PTPRD: variants seen among roughly 807,000 people sequenced by gnomAD.
PTPRD encodes the protein receptor-type tyrosine-protein phosphatase delta.
A neutral mutation model predicts 214.5 loss-of-function variants in PTPRD; 34 were observed. The observed-to-expected ratio is 0.16, with a 90% confidence interval of 0.12 to 0.21. The LOEUF is 0.21. PTPRD is among the 10% of genes least tolerant of loss of function. The pLI, the probability that PTPRD is intolerant of heterozygous loss-of-function variation, is 1.00. For synonymous variants in PTPRD, 1,128 were observed against 845.7 expected, an observed-to-expected ratio of 1.33 and a Z score of -5.79; for missense variants, 2,545 against 2,398.7, an observed-to-expected ratio of 1.06 and a Z score of -1.27.
At chr9:8,859,373 C>T (rs1314594682) in intron 11 of PTPRD, among the ~76,000 whole-genome samples, 1 of 152,172 alleles carries the variant, frequency 6.6e-6, no homozygotes, top group East Asian at 1.9e-4. Flanking sequence ...GGATTTTAAC[C>T]TTCTTCACTA....
At chr9:10,554,722 A>T (rs1590793740) in intron 2 of PTPRD, among the ~76,000 whole-genome samples, 1 of 151,908 alleles carries the variant, frequency 6.6e-6, no homozygotes, top group Non-Finnish European at 1.5e-5. Context: ...CTGCAGTGGC[A>T]CCATCTTGGC....
At chr9:9,972,441 A>G (rs1488758033) in intron 4 of PTPRD, among the ~76,000 whole-genome samples, 1 of 152,096 alleles carries the variant, frequency 6.6e-6, no homozygotes, top group African/African-American at 2.4e-5. Context: ...CTATTCCCAC[A>G]TTACTCTTTT....
intron 5 of PTPRD, among the ~76,000 whole-genome samples, chr9:9,876,485 GAA>G (rs943999042): frequency 6.7e-6 from 1 of 149,504 alleles, no homozygotes; most frequent in Non-Finnish European, 1.5e-5. Context: ...ATATCACCTC[GAA>G]AAAAAAACTG....
At chr9:8,980,704 T>A (rs945342459) in intron 11 of PTPRD, among the ~76,000 whole-genome samples, 2 of 152,076 alleles carry the variant, frequency 1.3e-5, no homozygotes, top group African/African-American at 4.8e-5. Context: ...AACAATGTGA[T>A]CATAAATATA....
chr9:10,071,415 G>A (rs1200691218), intron 3 of PTPRD, among the ~76,000 whole-genome samples: 2 of 151,932 alleles, frequency 1.3e-5, no homozygotes, highest in African/African-American at 4.8e-5. Context: ...GGATATTGGT[G>A]GAAGAATACA....
chr9:9,333,746 C>G (rs2136767281), intron 9 of PTPRD, among the ~76,000 whole-genome samples: 1 of 151,508 alleles, frequency 6.6e-6, no homozygotes, highest in East Asian at 1.9e-4. Context: ...ATAATACATT[C>G]ATATGAGGTC....
intron 4 of PTPRD, among the ~76,000 whole-genome samples, chr9:10,023,953 A>G (rs1425581140): frequency 6.6e-6 from 1 of 151,816 alleles, no homozygotes; most frequent in Non-Finnish European, 1.5e-5. Flanking sequence ...TCACAATGAC[A>G]GCTTTAATTG....
At chr9:10,166,636 G>A (rs865895188) in intron 3 of PTPRD, among the ~76,000 whole-genome samples, 1 of 151,934 alleles carries the variant, frequency 6.6e-6, no homozygotes, top group African/African-American at 2.4e-5. Context: ...AAACTCTGCT[G>A]TGAGTTCAAA....
At chr9:9,696,115 C>T (rs548173757) in intron 7 of PTPRD, among the ~76,000 whole-genome samples, 1 of 152,122 alleles carries the variant, frequency 6.6e-6, no homozygotes, top group East Asian at 1.9e-4. Flanking sequence ...AAGATTCATC[C>T]TTTAGTAAGT....
intron 7 of PTPRD, among the ~76,000 whole-genome samples, chr9:9,683,765 T>A (rs2097118248): frequency 1.3e-5 from 2 of 151,902 alleles, no homozygotes; most frequent in Admixed American, 1.3e-4. Context: ...AATAGCATTG[T>A]GAGATATAAT....
intron 3 of PTPRD, among the ~76,000 whole-genome samples, chr9:10,239,224 C>T (rs1158435866): frequency 6.6e-6 from 1 of 151,890 alleles, no homozygotes; most frequent in Non-Finnish European, 1.5e-5. Flanking sequence ...GGCAAAGTCA[C>T]ATTACCTCCA....
chr9:8,484,010 T>C, intron 30 of PTPRD, 109 bp downstream of exon 30: 1 of 1,377,966 alleles, frequency 7.3e-7, no homozygotes, highest in Non-Finnish European at 9.8e-7. Flanking sequence ...AGAAGAATCT[T>C]TCACTACATT....
intron 7 of PTPRD, among the ~76,000 whole-genome samples, chr9:9,701,443 G>A (rs551124239): frequency 6.6e-6 from 1 of 152,242 alleles, no homozygotes; most frequent in South Asian, 2.1e-4. Context: ...AGAGATTGTA[G>A]GTAACTCCCA....
At chr9:9,112,124 G>A (rs1429243417) in intron 10 of PTPRD, among the ~76,000 whole-genome samples, 3 of 152,094 alleles carry the variant, frequency 2.0e-5, no homozygotes, top group African/African-American at 7.2e-5. Flanking sequence ...ACAAAGCCAT[G>A]CTAGAATAAT....
intron 2 of PTPRD, among the ~76,000 whole-genome samples, chr9:10,603,176 G>A (rs1368073799): frequency 6.6e-6 from 1 of 151,828 alleles, no homozygotes; most frequent in Non-Finnish European, 1.5e-5. Context: ...CCAGGGAAAG[G>A]CAGAGAGCAC....
intron 3 of PTPRD, among the ~76,000 whole-genome samples, chr9:10,285,156 C>T (rs2095301611): frequency 6.6e-6 from 1 of 152,026 alleles, no homozygotes; most frequent in Admixed American, 6.6e-5. Flanking sequence ...AACTTAGGGT[C>T]CTAAGTTAAA....
At chr9:10,293,877 A>G (rs1340241822) in intron 3 of PTPRD, among the ~76,000 whole-genome samples, 1 of 151,950 alleles carries the variant, frequency 6.6e-6, no homozygotes, top group African/African-American at 2.4e-5. Context: ...AATGTTCTTA[A>G]GAACAGCAAG....
chr9:8,584,666 C>T (rs117106086), intron 14 of PTPRD, among the ~76,000 whole-genome samples: 2 of 152,142 alleles, frequency 1.3e-5, no homozygotes, highest in Admixed American at 6.5e-5. Context: ...TCTACCCCAG[C>T]ATTTCCTAAT....
chr9:9,914,184 C>A (rs2080016523), intron 5 of PTPRD, among the ~76,000 whole-genome samples: 1 of 152,130 alleles, frequency 6.6e-6, no homozygotes, highest in Non-Finnish European at 1.5e-5. Flanking sequence ...GCTAATACAC[C>A]CCCAGACTAG....
Sources: allele counts gnomAD v4.1 joint callset (sites outside exome capture counted in the v4.1 genomes callset), GRCh38; gene constraint gnomAD v4.1.1; transcripts MANE v1.5; gene names NCBI Gene and HGNC (gene_info 2026-07-23, HGNC 2026-07-21).